Variants in ANXA8 observed in about 807,000 individuals in gnomAD.
ANXA8 encodes the protein annexin A8.
Under a neutral mutation model 26.8 loss-of-function variants are expected in ANXA8, and 9 were observed. That is an observed-to-expected ratio of 0.34 (90% CI 0.20 to 0.59). The LOEUF is 0.59. ANXA8 is among the 20% of genes least tolerant of loss of function. The probability of loss-of-function intolerance (pLI) is 0.84; values close to 1 mark genes in which losing one functional copy is unlikely to be tolerated. For missense variants in ANXA8, 83 were observed against 238.5 expected, an observed-to-expected ratio of 0.35 and a Z score of 4.29; for synonymous variants, 39 against 94.8, an observed-to-expected ratio of 0.41 and a Z score of 3.42.
At chr10:47,937,461 A>G in the ANXA8 span, among the ~76,000 whole-genome samples, 1 of 149,106 alleles carries the variant, frequency 6.7e-6, no homozygotes, top group Non-Finnish European at 1.5e-5. Flanking sequence ...ATTTTTATTT[A>G]TTTTTTAAAA....
At chr10:47,743,275 T>TAC in the ANXA8 span, among the ~76,000 whole-genome samples, 11 of 102,620 alleles carry the variant, frequency 1.1e-4, no homozygotes, top group East Asian at 3.1e-3. Flanking sequence ...CATATATATA[T>TAC]ATACACACAT....
At chr10:47,559,441 C>A in the ANXA8 span, among the ~76,000 whole-genome samples, 19 of 151,860 alleles carry the variant, frequency 1.3e-4, no homozygotes, top group South Asian at 4.2e-4. Flanking sequence ...TTACTTAAAT[C>A]TCTTAATGTG....
the ANXA8 span, among the ~76,000 whole-genome samples, chr10:47,653,531 A>C: frequency 6.6e-6 from 1 of 151,682 alleles, no homozygotes; most frequent in Non-Finnish European, 1.5e-5. Context: ...CTTAGTGGGA[A>C]AATTAAGGAC....
chr10:47,979,495 A>C, the ANXA8 span, among the ~76,000 whole-genome samples: 1 of 151,604 alleles, frequency 6.6e-6, no homozygotes, highest in African/African-American at 2.4e-5. Context: ...GGCTTTGCAG[A>C]TATGATTAAG....
chr10:47,743,789 G>A, the ANXA8 span, among the ~76,000 whole-genome samples: 1 of 149,962 alleles, frequency 6.7e-6, no homozygotes, highest in Non-Finnish European at 1.5e-5. Flanking sequence ...CCGCCACCTC[G>A]CGGCCCGGCC....
At chr10:47,510,935 A>AATTTATTT in the ANXA8 span, among the ~76,000 whole-genome samples, 3 of 113,504 alleles carry the variant, frequency 2.6e-5, no homozygotes, top group Non-Finnish European at 3.6e-5. Context: ...TTAATTAATT[A>AATTTATTT]ATTTATTTAT....
the ANXA8 span, among the ~76,000 whole-genome samples, chr10:47,586,298 G>A: frequency 1.4e-5 from 2 of 144,284 alleles, no homozygotes; most frequent in Non-Finnish European, 3.0e-5. Flanking sequence ...CGTTAGGTCA[G>A]TTTAGCCAGA....
the ANXA8 span, among the ~76,000 whole-genome samples, chr10:47,726,591 T>C: frequency 2.6e-5 from 4 of 152,276 alleles, no homozygotes; most frequent in Non-Finnish European, 4.4e-5. Flanking sequence ...TTAATATATT[T>C]TTATATTAGT....
At chr10:47,523,694 G>T in the ANXA8 span, 252 of 1,504,122 alleles carry the variant, frequency 1.7e-4, 1 homozygote, top group East Asian at 5.1e-3. Context: ...CCCCGGCCCC[G>T]GCCCCGGCCC....
chr10:47,507,560 T>C, the ANXA8 span: 21 of 1,528,026 alleles, frequency 1.4e-5, 7 homozygotes, highest in East Asian at 5.9e-4. Context: ...TTGTGTGATA[T>C]GATGAGGTAT....
chr10:47,763,343 C>A, the ANXA8 span: 1 of 985,140 alleles, frequency 1.0e-6, no homozygotes, highest in Non-Finnish European at 1.2e-6. Context: ...GCTCCTCACT[C>A]GCCAGCCCTG....
the ANXA8 span, among the ~76,000 whole-genome samples, chr10:47,522,262 G>A: frequency 1.3e-4 from 19 of 143,788 alleles, 1 homozygote; most frequent in African/African-American, 2.3e-4. Context: ...AGTTTTGACC[G>A]TGAACCAATC....
chr10:47,481,543 G>A (rs1483325964), intron 1 of ANXA8, among the ~76,000 whole-genome samples: 18 of 150,154 alleles, frequency 1.2e-4, no homozygotes, highest in Non-Finnish European at 2.4e-4. Context: ...AGTGCCTGCC[G>A]GCTTCCCTCT....
the ANXA8 span, among the ~76,000 whole-genome samples, chr10:47,702,770 A>G: frequency 2.0e-5 from 3 of 151,794 alleles, no homozygotes; most frequent in East Asian, 5.8e-4. Context: ...AGTAGCCGGC[A>G]CCATAGGTGT....
chr10:47,743,893 C>T, the ANXA8 span, among the ~76,000 whole-genome samples: 8 of 139,822 alleles, frequency 5.7e-5, no homozygotes, highest in Admixed American at 5.8e-4. Flanking sequence ...GGAAGTTTGT[C>T]AGTCAGCACC....
intron 11 of ANXA8, among the ~76,000 whole-genome samples, chr10:47,470,256 T>G (rs1839291874): frequency 6.6e-6 from 1 of 151,436 alleles, no homozygotes; most frequent in Non-Finnish European, 1.5e-5. Flanking sequence ...GTTTGGTCAA[T>G]GTATTCATGA....
chr10:47,685,075 G>A, the ANXA8 span, among the ~76,000 whole-genome samples: 4 of 150,142 alleles, frequency 2.7e-5, no homozygotes, highest in African/African-American at 7.4e-5. Flanking sequence ...CACCCAGCGC[G>A]GTGGCTCATG....
At chr10:47,624,080 C>CAA in the ANXA8 span, among the ~76,000 whole-genome samples, 1 of 90,674 alleles carries the variant, frequency 1.1e-5, no homozygotes, top group African/African-American at 4.4e-5. Flanking sequence ...ACTAAAAATA[C>CAA]AAAAAAAAAA....
the ANXA8 span, among the ~76,000 whole-genome samples, chr10:47,616,564 A>G: frequency 3.7e-5 from 2 of 53,460 alleles, 1 homozygote; most frequent in Non-Finnish European, 9.2e-5. Flanking sequence ...TGAAAGCAAG[A>G]AGCAGGCAAC....
Sources: allele counts gnomAD v4.1 joint callset (sites outside exome capture counted in the v4.1 genomes callset), GRCh38; gene constraint gnomAD v4.1.1; transcripts MANE v1.5; gene names NCBI Gene and HGNC (gene_info 2026-07-23, HGNC 2026-07-21).